The following NIPAL1 variants were observed in gnomAD, a reference collection of about 807,000 sequenced individuals.
NIPAL1 encodes NIPA like domain containing 1.
A neutral mutation model predicts 37.7 loss-of-function variants in NIPAL1; 35 were observed. The observed-to-expected ratio is 0.93, with a 90% CI of 0.71 to 1.23. NIPAL1 has a LOEUF of 1.23. Among genes scored for constraint, NIPAL1 ranks in the 50% most tolerant of loss-of-function variants. NIPAL1 has a pLI of 0.00. For synonymous variants in NIPAL1, 162 were observed against 183.0 expected, an observed-to-expected ratio of 0.89 and a Z score of 0.93; for missense variants, 412 against 473.9, an observed-to-expected ratio of 0.87 and a Z score of 1.21.
rs1715858545 is a variant in NIPAL1 at position 48,033,138 on chromosome 4, C to T, written c.461+55C>T. The T allele has an allele frequency of 2.7e-6, 3 of 1,105,816 alleles. No homozygotes were observed. In the Admixed American group the frequency reaches 5.5e-5, roughly 20 times the overall value. 68.5% of individuals were successfully genotyped at this position (1,105,816 alleles called of 1,614,324 possible). A position where few individuals can be genotyped will look rare whatever the true frequency, so the allele number is the denominator to read the frequency against. Reference sequence around the variant, plus strand: ...GTAGGTATTTTAAGACCAAGATAAACTTAAACCATAATAAACATATGGCTA... The same window carrying T: ...GTAGGTATTTTAAGACCAAGATAAATTTAAACCATAATAAACATATGGCTA... On this transcript the variant is annotated intron_variant, in intron 4 of 5. Transcript: ENST00000295461.
intron 1 of NIPAL1, among the ~76,000 whole-genome samples, chr4:48,017,266 G>A (rs1715443982): frequency 6.6e-6 from 1 of 152,156 alleles, no homozygotes; most frequent in African/African-American, 2.4e-5. Flanking sequence ...CAGAGTCTGC[G>A]GCCGACGTCA....
intron 2 of NIPAL1, among the ~76,000 whole-genome samples, chr4:48,028,739 C>G (rs7690405): frequency 0.48 from 73,509 of 151,878 alleles, 18,269 homozygotes; most frequent in Non-Finnish European, 0.53. Flanking sequence ...AAAACAAACC[C>G]ATGAAAAAGT....
chr4:48,017,439 G>A (rs1243797665), intron 1 of NIPAL1, among the ~76,000 whole-genome samples: 1 of 152,072 alleles, frequency 6.6e-6, no homozygotes, highest in African/African-American at 2.4e-5. Flanking sequence ...CTCTTCCTTG[G>A]AAATGAAAAG....
rs1329857925 is a variant in NIPAL1, at chr4:48,037,259, A to G, written c.*1087A>G. 2 of 437,656 alleles carry G rather than the reference A, an allele frequency of 4.6e-6. No homozygotes were observed. The highest frequency in any genetic ancestry group is 4.1e-5 in the African/African-American group (2 of 48,978). The allele number at this position is 437,656 out of a possible 1,614,324, so 27.1% of individuals were successfully genotyped here. On this transcript the variant is annotated 3_prime_UTR_variant, in exon 6 of 6. Transcript: ENST00000295461. ...AAGTTTTCTTCTCACAAAAACACAGACACGTGATTGTTTTCACAGGTTCCA... is the reference window on the plus strand; with the variant it reads ...AAGTTTTCTTCTCACAAAAACACAGGCACGTGATTGTTTTCACAGGTTCCA...
intron 1 of NIPAL1, among the ~76,000 whole-genome samples, chr4:48,024,385 C>T (rs1715642102): frequency 6.6e-6 from 1 of 152,030 alleles, no homozygotes; most frequent in Admixed American, 6.6e-5. Flanking sequence ...CTCAAGCGAT[C>T]CTCCCTCCTC....
chr4:48,028,049 T>C (rs542293770), intron 2 of NIPAL1, among the ~76,000 whole-genome samples: 1 of 152,318 alleles, frequency 6.6e-6, no homozygotes, highest in African/African-American at 2.4e-5. Flanking sequence ...TAAAATTTCC[T>C]ACAAATTAAG....
chr4:48,019,481 G>T (rs1055945397), intron 1 of NIPAL1, among the ~76,000 whole-genome samples: 1 of 152,218 alleles, frequency 6.6e-6, no homozygotes, highest in Admixed American at 6.5e-5. Context: ...TGACTGAGAG[G>T]TTCCTTTAGA....
At chr4:48,032,224 T>C (rs75676502) in intron 3 of NIPAL1, among the ~76,000 whole-genome samples, 5,394 of 152,304 alleles carry the variant, frequency 0.035, 123 homozygotes, top group Middle Eastern at 0.085. Flanking sequence ...CAATAAGCAT[T>C]TGCCTGGTGT....
At chr4:48,019,318 G>A (rs1438402185) in intron 1 of NIPAL1, among the ~76,000 whole-genome samples, 5 of 152,192 alleles carry the variant, frequency 3.3e-5, no homozygotes, top group Admixed American at 1.3e-4. Flanking sequence ...CCCCACATTG[G>A]TTTTGACTTT....
intron 1 of NIPAL1, among the ~76,000 whole-genome samples, chr4:48,017,125 C>G (rs1344733649): frequency 6.6e-6 from 1 of 152,240 alleles, no homozygotes; most frequent in Non-Finnish European, 1.5e-5. Flanking sequence ...AGGTGGGACT[C>G]CCACTCGATT....
At position 48,036,161 on chromosome 4, in the gene NIPAL1, A is replaced by G. The variant is rs1322316750; in HGVS notation, c.1222A>G (p.Thr408Ala). ...YNDDVTLFSR[T>A]DD ...TGATGACGTTACCTTGTTTAGTAGA[A>G]CTGATGACTGAAGTCTCTAGAAACA... Residue 408 changes from threonine to alanine, a missense_variant, in exon 6 of 6, where the codon ACT (threonine) becomes GCT (alanine). Transcript: ENST00000295461. 5.0e-6 allele frequency: 8 copies of G among 1,599,348 alleles called. No homozygotes were observed. The highest frequency in any genetic ancestry group is 5.9e-6 in the Non-Finnish European group (7 of 1,176,888).
chr4:48,022,236 C>G (rs1265881657), intron 1 of NIPAL1, among the ~76,000 whole-genome samples: 1 of 152,190 alleles, frequency 6.6e-6, no homozygotes, highest in African/African-American at 2.4e-5. Flanking sequence ...CTCCCGTAGG[C>G]CACTCCACAT....
At chr4:48,024,117 C>T (rs1382143784) in intron 1 of NIPAL1, among the ~76,000 whole-genome samples, 1 of 151,742 alleles carries the variant, frequency 6.6e-6, no homozygotes. Flanking sequence ...GGACTATAGG[C>T]ATGCACCACC....
intron 4 of NIPAL1, 75 bp downstream of exon 4, chr4:48,033,158 T>C (rs1715858781): frequency 2.3e-6 from 2 of 886,050 alleles, no homozygotes; most frequent in Non-Finnish European, 3.6e-6. Flanking sequence ...AATAAACATA[T>C]GGCTATGGAT....
Position 48,027,124 on chromosome 4 carries a change from A to G in NIPAL1, c.313+1790A>G, listed in dbSNP as rs1169314990. 3.3e-5 allele frequency among the ~76,000 whole-genome samples: 5 copies of G among 152,192 alleles called. No individual in the cohort carries two copies. Among genetic ancestry groups the G allele is most frequent in the Non-Finnish European group, 7.3e-5 (5 of 68,028 alleles). On this transcript the variant is annotated intron_variant, in intron 2 of 5. Coordinates refer to ENST00000295461, the MANE Select transcript of NIPAL1 (RefSeq NM_207330.3). This position sits in a 1 kb window ranked among gnomAD's most constrained non-coding sequence, Gnocchi z 4.1. Reference sequence around the variant, plus strand: ...TATCTAGATTGACAAAAAAAATCCTATATGGAAACACTTTAACTGAAACTA... The same window carrying G: ...TATCTAGATTGACAAAAAAAATCCTGTATGGAAACACTTTAACTGAAACTA...
intron 1 of NIPAL1, among the ~76,000 whole-genome samples, chr4:48,021,310 G>GATA (rs61078196): frequency 1.1e-4 from 16 of 151,958 alleles, no homozygotes; most frequent in African/African-American, 3.1e-4. Context: ...TTGAGTCAAA[G>GATA]TCCCTCATTT....
chr4:48,018,693 T>G (rs1431224411), intron 1 of NIPAL1, among the ~76,000 whole-genome samples: 1 of 152,168 alleles, frequency 6.6e-6, no homozygotes, highest in Non-Finnish European at 1.5e-5. Flanking sequence ...AAGAGTCCCA[T>G]GTGCCAAGCA....
At chr4:48,020,346 T>C (rs1361119346) in intron 1 of NIPAL1, among the ~76,000 whole-genome samples, 3 of 152,174 alleles carry the variant, frequency 2.0e-5, no homozygotes, top group Non-Finnish European at 4.4e-5. Flanking sequence ...GGGAGTGATA[T>C]AACCTACTTC....
chr4:48,032,320 G>A (rs1241866559), intron 3 of NIPAL1, among the ~76,000 whole-genome samples: 1 of 152,132 alleles, frequency 6.6e-6, no homozygotes, highest in Non-Finnish European at 1.5e-5. Flanking sequence ...CCAGAGCCCA[G>A]CTCTTGAAGG....
Sources: gnomAD v4.1 joint callset for allele counts (sites outside exome capture counted in the v4.1 genomes callset) on GRCh38, gnomAD v4.1.1 for gene constraint, Gnocchi (gnomAD v3.1) non-coding constraint, MANE v1.5 for transcripts, NCBI Gene and HGNC (gene_info 2026-07-23, HGNC 2026-07-21) for gene names.